Variants in SPRED2 observed in about 807,000 individuals in gnomAD.
The protein encoded by SPRED2 is sprouty related EVH1 domain containing 2.
In SPRED2, 47 loss-of-function variants were observed where a neutral mutation model predicts 43.0. The observed-to-expected ratio is 1.09, with a 90% CI of 0.87 to 1.40. SPRED2 has a LOEUF of 1.40. Ranked by LOEUF, SPRED2 falls within the 40% of genes most tolerant of loss-of-function variation. The pLI, the probability that SPRED2 is intolerant of heterozygous loss-of-function variation, is 0.00. For missense variants in SPRED2, 561 were observed against 586.4 expected, an observed-to-expected ratio of 0.96 and a Z score of 0.45; for synonymous variants, 225 against 225.7, an observed-to-expected ratio of 1.00 and a Z score of 0.03.
intron 1 of SPRED2, among the ~76,000 whole-genome samples, chr2:65,377,382 G>C (rs1335143490): frequency 6.6e-6 from 1 of 152,200 alleles, no homozygotes; most frequent in Non-Finnish European, 1.5e-5. Flanking sequence ...TGCATACGTG[G>C]TAGCACTGGA....
At chr2:65,398,296 C>T (rs868486595) in intron 1 of SPRED2, among the ~76,000 whole-genome samples, 8 of 152,176 alleles carry the variant, frequency 5.3e-5, no homozygotes, top group Non-Finnish European at 8.8e-5. Flanking sequence ...TAGAAGATAA[C>T]GTTGGAAAAA....
chr2:65,431,318 C>A (rs1041252370), intron 1 of SPRED2, among the ~76,000 whole-genome samples: 7 of 151,446 alleles, frequency 4.6e-5, no homozygotes, highest in Admixed American at 2.6e-4. Context: ...ACGCGTGTGC[C>A]GGCCACAAGC....
At chr2:65,402,968 C>G (rs1175993761) in intron 1 of SPRED2, among the ~76,000 whole-genome samples, 2 of 152,176 alleles carry the variant, frequency 1.3e-5, no homozygotes, top group African/African-American at 4.8e-5. Context: ...ATGTTTGGGG[C>G]ATTTTACACT....
intron 2 of SPRED2, among the ~76,000 whole-genome samples, chr2:65,335,384 A>T (rs58921877): frequency 0.07 from 10,725 of 152,200 alleles, 473 homozygotes; most frequent in Middle Eastern, 0.15. Context: ...TATTAACTTT[A>T]TGTTTGGATT....
intron 1 of SPRED2, among the ~76,000 whole-genome samples, chr2:65,350,629 C>T (rs1674480115): frequency 1.3e-5 from 2 of 152,204 alleles, no homozygotes; most frequent in Admixed American, 6.5e-5. Context: ...ACAGGGCTTC[C>T]TGTCCCGGGA....
At chr2:65,355,532 C>T (rs557009184) in intron 1 of SPRED2, among the ~76,000 whole-genome samples, 7 of 152,198 alleles carry the variant, frequency 4.6e-5, no homozygotes, top group African/African-American at 1.4e-4. Flanking sequence ...GCCTGGCTAA[C>T]ATGGAGAAAG....
At chr2:65,411,497 T>C (rs1341856756) in intron 1 of SPRED2, among the ~76,000 whole-genome samples, 2 of 152,076 alleles carry the variant, frequency 1.3e-5, no homozygotes, top group African/African-American at 4.8e-5. Flanking sequence ...CATGCATAGG[T>C]TGTGTGAAGT....
chr2:65,337,049 A>G (rs1284257129), intron 2 of SPRED2, among the ~76,000 whole-genome samples: 1 of 152,164 alleles, frequency 6.6e-6, no homozygotes, highest in Non-Finnish European at 1.5e-5. Flanking sequence ...CGGAGCTTGC[A>G]GTGGGCCGAG....
At chr2:65,431,481 A>C (rs2103830431) in intron 1 of SPRED2, among the ~76,000 whole-genome samples, 1 of 152,188 alleles carries the variant, frequency 6.6e-6, no homozygotes, top group South Asian at 2.1e-4. Context: ...GTGGTATGCA[A>C]ATGAGAGCGA....
At chr2:65,321,014 T>C (rs1673392503) in intron 4 of SPRED2, among the ~76,000 whole-genome samples, 2 of 152,170 alleles carry the variant, frequency 1.3e-5, no homozygotes. Context: ...TCACCTTCAA[T>C]GAAAAAGTTG....
intron 4 of SPRED2, among the ~76,000 whole-genome samples, chr2:65,324,282 G>C (rs1307977252): frequency 6.6e-6 from 1 of 152,110 alleles, no homozygotes; most frequent in South Asian, 2.1e-4. Flanking sequence ...ACTCCATGGA[G>C]CTTCAAAACT....
chr2:65,366,721 G>T (rs1208282856), intron 1 of SPRED2: 2 of 1,518,078 alleles, frequency 1.3e-6, no homozygotes, highest in Non-Finnish European at 1.8e-6. Context: ...TGCCTGAGAA[G>T]TGGTTTCCCC....
chr2:65,398,846 G>A (rs899067119), intron 1 of SPRED2, among the ~76,000 whole-genome samples: 4 of 150,800 alleles, frequency 2.7e-5, no homozygotes, highest in Non-Finnish European at 5.9e-5. Flanking sequence ...ACTGCCATTT[G>A]GTCCAGCAAT....
At chr2:65,366,038 A>C (rs1674961616) in intron 1 of SPRED2, among the ~76,000 whole-genome samples, 1 of 151,980 alleles carries the variant, frequency 6.6e-6, no homozygotes, top group South Asian at 2.1e-4. Flanking sequence ...AAAAACAAAC[A>C]AACAAACAAA....
chr2:65,363,474 T>C (rs1005166493), intron 1 of SPRED2, among the ~76,000 whole-genome samples: 1 of 152,182 alleles, frequency 6.6e-6, no homozygotes, highest in Non-Finnish European at 1.5e-5. Context: ...TCCACGCTTG[T>C]CTCTGGCTTT....
intron 1 of SPRED2, among the ~76,000 whole-genome samples, chr2:65,407,245 CTTT>C (rs70943650): frequency 1.7e-5 from 2 of 120,954 alleles, no homozygotes; most frequent in African/African-American, 6.9e-5. Flanking sequence ...GCGCTGGCTC[CTTT>C]TTTTTTTTTT....
Position 65,362,046 on chromosome 2 carries a change from G to A in SPRED2, c.27-17150C>T, listed in dbSNP as rs565651441. On this transcript the variant is annotated intron_variant, in intron 1 of 5. Transcript: ENST00000356388. Reference sequence around the variant, plus strand: ...ATCTGAAGAATCTTTACAAATGAATGAATGAAGTCATCTCTTCGATTGAAA... The same window carrying A: ...ATCTGAAGAATCTTTACAAATGAATAAATGAAGTCATCTCTTCGATTGAAA... Among the ~76,000 whole-genome samples, 111 of 152,324 alleles carry A rather than the reference G, an allele frequency of 7.3e-4. 1 individual carries two copies. The highest frequency in any genetic ancestry group is 2.4e-3 in the African/African-American group (98 of 41,582).
At position 65,344,784 on chromosome 2, in the gene SPRED2, TGACCTTACAGACC is replaced by T; in HGVS notation, c.126_138del (p.Val43CysfsTer29). On this transcript the variant is annotated frameshift_variant, in exon 2 of 6. Coordinates refer to ENST00000356388, the MANE Select transcript of SPRED2 (RefSeq NM_181784.3). LOFTEE classifies it high-confidence loss of function. ...CTTCGTCCATTGCCTTCGGGGTGCA[TGACCTTACAGACC>T]CCGACGCGACTGATCCCGCCTCCTT... 6.2e-7 allele frequency: 1 copy of T among 1,614,210 alleles called. No homozygotes were observed. The highest frequency in any genetic ancestry group is 8.5e-7 in the Non-Finnish European group (1 of 1,180,020).
intron 1 of SPRED2, among the ~76,000 whole-genome samples, chr2:65,412,406 G>A (rs916398191): frequency 2.5e-4 from 38 of 152,262 alleles, no homozygotes; most frequent in African/African-American, 8.9e-4. Flanking sequence ...GACAAGAATT[G>A]CACGCCAGAT....
Sources: gnomAD v4.1 joint callset for allele counts (sites outside exome capture counted in the v4.1 genomes callset) on GRCh38, gnomAD v4.1.1 for gene constraint, MANE v1.5 for transcripts, NCBI Gene and HGNC (gene_info 2026-07-23, HGNC 2026-07-21) for gene names.